Variants in CCDC50 observed in about 807,000 individuals in gnomAD.
The protein encoded by CCDC50 is coiled-coil domain containing 50.
A neutral mutation model predicts 70.2 loss-of-function variants in CCDC50; 54 were observed. The observed-to-expected ratio is 0.77, with a 90% CI of 0.62 to 0.96. The LOEUF (loss-of-function observed/expected upper bound fraction) is 0.96, where lower values mean the gene tolerates loss of function less well. Ranked by LOEUF, CCDC50 falls within the 50% of genes least tolerant of loss-of-function variation. The pLI is 0.00. For missense variants in CCDC50, 558 were observed against 578.7 expected, an observed-to-expected ratio of 0.96 and a Z score of 0.37; for synonymous variants, 216 against 198.8, an observed-to-expected ratio of 1.09 and a Z score of -0.73.
At position 191,380,886 on chromosome 3, in the gene CCDC50, G is replaced by T; in HGVS notation, c.1196G>T (p.Arg399Leu). ...AAAGCTTACAAAAAAGCCAAGGAGC[G>T]GGAGAAATCATCTTTGGACAAAAGA... is the stretch of plus-strand genomic sequence containing the variant. ...EKKAYKKAKEREKSSLDKRKQ... is the reference protein window; with the variant it reads ...EKKAYKKAKELEKSSLDKRKQ... Residue 399 changes from arginine to leucine, a missense_variant, in exon 9 of 12, where the codon CGG becomes CTG. Transcript: ENST00000392455. 1 of 1,612,854 alleles carries T rather than the reference G, an allele frequency of 6.2e-7. No homozygotes were observed. Among genetic ancestry groups the T allele is most frequent in the South Asian group, 1.1e-5 (1 of 91,024 alleles).
intron 1 of CCDC50, among the ~76,000 whole-genome samples, chr3:191,339,744 A>G (rs1224837527): frequency 6.6e-6 from 1 of 152,256 alleles, no homozygotes; most frequent in Non-Finnish European, 1.5e-5. Context: ...TTCACTGGAC[A>G]GTTAGTGACT....
At chr3:191,338,449 C>G (rs1453302692) in intron 1 of CCDC50, among the ~76,000 whole-genome samples, 2 of 152,180 alleles carry the variant, frequency 1.3e-5, no homozygotes, top group African/African-American at 4.8e-5. Context: ...TGGAGTTTGC[C>G]TTAATATCTG....
At chr3:191,363,966 C>T (rs1712584637) in intron 4 of CCDC50, among the ~76,000 whole-genome samples, 1 of 152,054 alleles carries the variant, frequency 6.6e-6, no homozygotes, top group Non-Finnish European at 1.5e-5. Context: ...CTGTTGGTAA[C>T]AGGGTGCCTG....
rs567453495 is a variant in CCDC50, at chr3:191,363,091, C to T, written c.330+1932C>T. 3.5e-4 allele frequency among the ~76,000 whole-genome samples: 52 copies of T among 149,128 alleles called. 1 individual carries two copies. In the East Asian group the frequency reaches 7.4e-3, roughly 21 times the overall value. The stretch of plus-strand genomic sequence containing the variant: ...TCCTGTGGGGTTTTTTTTTTTTCTC[C>T]GTTTAGAGAAAAACAGGATAGAAAG... On this transcript the variant is annotated intron_variant, in intron 4 of 11. Transcript: ENST00000392455.
chr3:191,348,393 A>G (rs368577820), intron 1 of CCDC50, among the ~76,000 whole-genome samples: 4 of 142,828 alleles, frequency 2.8e-5, no homozygotes, highest in Non-Finnish European at 6.3e-5. Context: ...CTCTAAACAG[A>G]TGAAATATTG....
rs768923251 is a variant in CCDC50, at chr3:191,380,852, G to A, written c.1162G>A (p.Glu388Lys). The A allele has an allele frequency of 1.7e-5, 27 of 1,612,896 alleles. No homozygotes were observed. Among genetic ancestry groups the A allele is most frequent in the Non-Finnish European group, 2.2e-5 (26 of 1,179,228 alleles). ...GGAAATCGCTCGACTTCTAATGGCT[G>A]AAGAAAAGAAAGCTTACAAAAAAGC... is the stretch of plus-strand genomic sequence containing the variant. ...DEEIARLLMAEEKKAYKKAKE... is the reference protein window; with the variant it reads ...DEEIARLLMAKEKKAYKKAKE... Residue 388 changes from glutamate to lysine, a missense_variant, in exon 9 of 12, where the codon GAA becomes AAA. Transcript: ENST00000392455.
In CCDC50 at chr3:191,375,366, T is replaced by C; in HGVS notation, c.753T>C (p.Cys251=). The change falls in exon 6 of 12, where the codon TGT becomes TGC. Residue 251 remains cysteine, a synonymous_variant. Coordinates refer to ENST00000392455, the MANE Select transcript of CCDC50 (RefSeq NM_178335.3). Reference sequence around the variant, plus strand: ...GTGAAGTGTTTCTGAGCACTGAATGTGATGACTGGGAGACTAAGATTAACC... The same window carrying C: ...GTGAAGTGTTTCTGAGCACTGAATGCGATGACTGGGAGACTAAGATTAACC... ...ISGEVFLSTE[C]DDWETKINHQ... is the part of the protein sequence containing the mutation. The C allele has an allele frequency of 6.2e-7, 1 of 1,613,720 alleles. No homozygotes were observed. The highest frequency in any genetic ancestry group is 8.5e-7 in the Non-Finnish European group (1 of 1,179,826).
At chr3:191,349,664 A>T (rs1043533403) in intron 1 of CCDC50, among the ~76,000 whole-genome samples, 1 of 141,798 alleles carries the variant, frequency 7.1e-6, no homozygotes, top group African/African-American at 2.5e-5. Context: ...AAAAGCCCAG[A>T]CTTCACTACT....
intron 3 of CCDC50, among the ~76,000 whole-genome samples, chr3:191,360,330 C>T (rs560056391): frequency 5.4e-4 from 83 of 152,366 alleles, no homozygotes; most frequent in Non-Finnish European, 1.1e-3. Flanking sequence ...GATACATCTT[C>T]TGTGTCACTT....
At position 191,347,347 on chromosome 3, in the gene CCDC50, G is replaced by A. The variant is rs1162965014; in HGVS notation, c.50-9741G>A. Reference sequence around the variant, plus strand: ...TACAGGGGAGTTCTAAGGATGTGGGGCAGTTTTCTCAAACCAGTAATTCTG... The same window carrying A: ...TACAGGGGAGTTCTAAGGATGTGGGACAGTTTTCTCAAACCAGTAATTCTG... On this transcript the variant is annotated intron_variant, in intron 1 of 11. Transcript: ENST00000392455. Among the ~76,000 whole-genome samples the A allele has an allele frequency of 1.4e-4, 20 of 141,548 alleles. 1 individual carries two copies. Among genetic ancestry groups the A allele is most frequent in the African/African-American group, 5.0e-4 (20 of 39,666 alleles). The allele number at this position is 141,548 out of a possible 152,430, so 92.9% of individuals were successfully genotyped here. A position where few individuals can be genotyped will look rare whatever the true frequency, so the allele number is the denominator to read the frequency against.
intron 1 of CCDC50, among the ~76,000 whole-genome samples, chr3:191,349,966 A>ACCATTCCC (rs1712049614): frequency 9.5e-6 from 1 of 105,622 alleles, no homozygotes; most frequent in African/African-American, 3.1e-5. Flanking sequence ...ATTTAATAAT[A>ACCATTCCC]CCCCCCCCCT....
At chr3:191,374,032 C>T (rs1324556014) in intron 5 of CCDC50, among the ~76,000 whole-genome samples, 5 of 152,070 alleles carry the variant, frequency 3.3e-5, no homozygotes, top group South Asian at 2.1e-4. Flanking sequence ...TTAATTCCAT[C>T]GGGGAATCTT....
In CCDC50 at chr3:191,396,814, G is replaced by A. The variant is rs554387159; in HGVS notation, c.*5054G>A. On this transcript the variant is annotated 3_prime_UTR_variant, in exon 12 of 12. Coordinates refer to ENST00000392455, the MANE Select transcript of CCDC50 (RefSeq NM_178335.3). Reference sequence around the variant, plus strand: ...AGTGGTGATTCTGTTTGATGCCACAGGCTAACACAATCGTGTAATCATGTT... The same window carrying A: ...AGTGGTGATTCTGTTTGATGCCACAAGCTAACACAATCGTGTAATCATGTT... 8 of 152,308 alleles carry A rather than the reference G, an allele frequency of 5.3e-5. 1 individual carries two copies. Among genetic ancestry groups the A allele is most frequent in the African/African-American group, 1.9e-4 (8 of 41,580 alleles). The allele number at this position is 152,308 out of a possible 1,614,324, so 9.4% of individuals were successfully genotyped here. A position where few individuals can be genotyped will look rare whatever the true frequency, so the allele number is the denominator to read the frequency against.
intron 6 of CCDC50, among the ~76,000 whole-genome samples, chr3:191,379,427 T>C (rs1713230758): frequency 6.6e-6 from 1 of 152,122 alleles, no homozygotes; most frequent in African/African-American, 2.4e-5. Flanking sequence ...TTTTTATTAA[T>C]TCTGAATATA....
intron 5 of CCDC50, among the ~76,000 whole-genome samples, chr3:191,370,865 C>T (rs1712889124): frequency 6.6e-6 from 1 of 152,134 alleles, no homozygotes; most frequent in African/African-American, 2.4e-5. Flanking sequence ...TGAGAATTGG[C>T]ATGCATTCTT....
Position 191,380,937 on chromosome 3 carries a change from A to G in CCDC50, c.1242+5A>G. The G allele has an allele frequency of 6.2e-7, 1 of 1,608,330 alleles. No individual in the cohort carries two copies. Among genetic ancestry groups the G allele is most frequent in the Non-Finnish European group, 8.5e-7 (1 of 1,176,198 alleles). ...AAGCAAGACCCCGAGTGGAAGGTAGAGTGTGTTTTGTTTGTTTTCTAATTA... is the reference window on the plus strand; with the variant it reads ...AAGCAAGACCCCGAGTGGAAGGTAGGGTGTGTTTTGTTTGTTTTCTAATTA... On this transcript the variant is annotated splice_donor_5th_base_variant and intron_variant, in intron 9 of 11. Transcript: ENST00000392455.
intron 11 of CCDC50, among the ~76,000 whole-genome samples, chr3:191,390,160 A>T (rs16822380): frequency 0.059 from 9,018 of 151,960 alleles, 477 homozygotes; most frequent in East Asian, 0.25. Context: ...CTTTCATCAG[A>T]TTCTTAAAAG....
At chr3:191,357,521 TA>T (rs1169275955) in intron 2 of CCDC50, among the ~76,000 whole-genome samples, 1 of 152,230 alleles carries the variant, frequency 6.6e-6, no homozygotes, top group Non-Finnish European at 1.5e-5. Flanking sequence ...AACTGTGGTA[TA>T]AATGAGATCA....
In CCDC50 at chr3:191,375,333, G is replaced by A. The variant is rs770755402; in HGVS notation, c.720G>A (p.Thr240=). 2.5e-6 allele frequency: 4 copies of A among 1,613,528 alleles called. No homozygotes were observed. Among genetic ancestry groups the A allele is most frequent in the Admixed American group, 3.3e-5 (2 of 59,928 alleles). The change falls in exon 6 of 12, where the codon ACG becomes ACA. Residue 240 remains threonine, a synonymous_variant. Coordinates refer to ENST00000392455, the MANE Select transcript of CCDC50 (RefSeq NM_178335.3). ...GGCCTCGGAGACCTCTGCTTCCCAC[G>A]ATCAGTGGTGAAGTGTTTCTGAGCA... ...QERPRRPLLP[T]ISGEVFLSTE...
Sources: gnomAD v4.1 joint callset for allele counts (sites outside exome capture counted in the v4.1 genomes callset) on GRCh38, gnomAD v4.1.1 for gene constraint, MANE v1.5 for transcripts, NCBI Gene and HGNC (gene_info 2026-07-23, HGNC 2026-07-21) for gene names.